FCF1: variants seen among roughly 807,000 people sequenced by gnomAD.
The protein encoded by FCF1 is FCF1 rRNA-processing protein.
A neutral mutation model predicts 32.5 loss-of-function variants in FCF1; 17 were observed. That is an observed-to-expected ratio of 0.52 (90% CI 0.36 to 0.78). The LOEUF (loss-of-function observed/expected upper bound fraction) is 0.78, where lower values mean the gene tolerates loss of function less well. FCF1 is among the 30% of genes least tolerant of loss of function. The pLI is 0.00. For synonymous variants in FCF1, 84 were observed against 78.4 expected, an observed-to-expected ratio of 1.07 and a Z score of -0.38; for missense variants, 201 against 241.1, an observed-to-expected ratio of 0.83 and a Z score of 1.10.
chr14:74,734,816 G>A, intron 7 of FCF1, 66 bp from the exon 8 acceptor site: 2 of 1,343,430 alleles, frequency 1.5e-6, no homozygotes, highest in Admixed American at 1.7e-5. Flanking sequence ...AGTCTATAAA[G>A]GATGGGTTTT....
intron 5 of FCF1, among the ~76,000 whole-genome samples, chr14:74,726,410 C>G (rs2090578520): frequency 6.6e-6 from 1 of 151,910 alleles, no homozygotes; most frequent in Admixed American, 6.6e-5. Flanking sequence ...TTGCTTGAGC[C>G]AGGGAGGTTC....
At chr14:74,716,199 T>C in intron 4 of FCF1, 100 bp downstream of exon 4, 1 of 1,143,922 alleles carries the variant, frequency 8.7e-7, no homozygotes, top group Non-Finnish European at 1.3e-6. Context: ...TTAACTGAAT[T>C]GCTGGCCATT....
At position 74,715,910 on chromosome 14, in the gene FCF1, A is replaced by G. The variant is rs202215056; in HGVS notation, c.144-41A>G. The G allele has an allele frequency of 4.1e-4, 666 of 1,611,208 alleles. 4 individuals carry two copies. Among genetic ancestry groups the G allele is most frequent in the Middle Eastern group, 1.7e-4 (1 of 6,058 alleles). Reference sequence around the variant, plus strand: ...TTGTTTTTGTTAATACTAGGGTATCAATGTAAATTTTTCTTTGTTCTTGTT... The same window carrying G: ...TTGTTTTTGTTAATACTAGGGTATCGATGTAAATTTTTCTTTGTTCTTGTT... On this transcript the variant is annotated intron_variant, in intron 3 of 7. Coordinates refer to ENST00000341162, the MANE Select transcript of FCF1 (RefSeq NM_015962.5).
intron 5 of FCF1, among the ~76,000 whole-genome samples, chr14:74,725,456 G>C (rs1376985460): frequency 2.2e-5 from 3 of 139,386 alleles, no homozygotes; most frequent in African/African-American, 8.3e-5. Context: ...CTCCAGCCTG[G>C]GCTACAAAGC....
intron 3 of FCF1, chr14:74,715,651 C>T (rs978746223): frequency 2.2e-6 from 1 of 448,014 alleles, no homozygotes. Flanking sequence ...TATTCTACCT[C>T]CCTGTGCCCA....
In FCF1 at chr14:74,734,124, A is replaced by C. The variant is rs1336488971; in HGVS notation, c.502A>C (p.Ile168Leu). ...AGTTGACCGGGACCTGAAAAGAAGA[A>C]TCCGTAAGATTCCTGGAGTTCCTAT... ...ATVDRDLKRR[I>L]RKIPGVPIMY... Residue 168 changes from isoleucine to leucine, a missense_variant, in exon 7 of 8, where the codon ATC becomes CTC. Physicochemically the swap from Ile to Leu is conservative, Grantham distance 5. This residue lies in a region of FCF1 where 121 missense variants were observed against 147.8 expected (regional missense o/e 0.82). Transcript: ENST00000341162. 1 of 1,613,794 alleles carries C rather than the reference A, an allele frequency of 6.2e-7. No homozygotes were observed. Among genetic ancestry groups the C allele is most frequent in the African/African-American group, 1.3e-5 (1 of 75,036 alleles).
At chr14:74,713,268 A>G in intron 1 of FCF1, 68 bp downstream of exon 1, 1 of 1,614,160 alleles carries the variant, frequency 6.2e-7, no homozygotes, top group East Asian at 2.2e-5. Context: ...AGGTAGTCAG[A>G]CCGTGGCCAA....
chr14:74,713,778 A>G (rs374234569), intron 2 of FCF1, among the ~76,000 whole-genome samples: 2 of 152,162 alleles, frequency 1.3e-5, no homozygotes, highest in African/African-American at 2.4e-5. Flanking sequence ...TTCTACCGTT[A>G]TATGCTTTGT....
intron 5 of FCF1, among the ~76,000 whole-genome samples, chr14:74,723,705 G>A (rs2090537062): frequency 1.3e-5 from 2 of 151,902 alleles, no homozygotes; most frequent in South Asian, 4.1e-4. Context: ...GCAGGTGCCT[G>A]TAATCCCAGC....
At chr14:74,713,356 T>G in intron 1 of FCF1, 129 bp from the exon 2 acceptor site, 2 of 1,563,490 alleles carry the variant, frequency 1.3e-6, no homozygotes, top group Non-Finnish European at 1.7e-6. Context: ...CTGTTATGCT[T>G]TACAGAGTGG....
chr14:74,714,970 C>T (rs1351340193), intron 3 of FCF1, 27 bp downstream of exon 3: 2 of 1,566,614 alleles, frequency 1.3e-6, no homozygotes, highest in African/African-American at 2.8e-5. Context: ...TTGAAGTTTT[C>T]CTTTAAAACC....
At chr14:74,727,874 C>G (rs2090593969) in intron 5 of FCF1, among the ~76,000 whole-genome samples, 2 of 151,970 alleles carry the variant, frequency 1.3e-5, no homozygotes, top group South Asian at 4.1e-4. Context: ...AATCCTTTCC[C>G]CATTGCTTTT....
chr14:74,732,713 T>C lies in FCF1; in HGVS notation c.366-18T>C, dbSNP rs753743814. ...AAGTTATCCAGCTGATTGAATGTTT[T>C]CTTTAATCCACCTACAGGATTGCCA... is the stretch of plus-strand genomic sequence containing the variant. On this transcript the variant is annotated intron_variant, in intron 5 of 7. Transcript: ENST00000341162. 27 of 1,552,950 alleles carry C rather than the reference T, an allele frequency of 1.7e-5. No individual in the cohort carries two copies. The highest frequency in any genetic ancestry group is 2.2e-5 in the Non-Finnish European group (25 of 1,127,726).
At chr14:74,730,206 CTTTTTTTT>C (rs869067896) in intron 5 of FCF1, among the ~76,000 whole-genome samples, 1 of 109,400 alleles carries the variant, frequency 9.1e-6, no homozygotes, top group African/African-American at 3.5e-5. Flanking sequence ...TGTGTATATG[CTTTTTTTT>C]TTTTTTTTTT....
intron 4 of FCF1, among the ~76,000 whole-genome samples, chr14:74,721,260 T>G (rs1427984097): frequency 6.6e-6 from 1 of 151,944 alleles, no homozygotes; most frequent in Non-Finnish European, 1.5e-5. Context: ...TTGACCAGAC[T>G]GGTCTTGAAC....
At chr14:74,721,800 T>C (rs2090507441) in intron 4 of FCF1, among the ~76,000 whole-genome samples, 1 of 152,234 alleles carries the variant, frequency 6.6e-6, no homozygotes, top group Non-Finnish European at 1.5e-5. Flanking sequence ...TTAAACCCAG[T>C]ATCTTATTAG....
rs142541926 is a variant in FCF1 at position 74,713,352 on chromosome 14, T to C, written c.4-133T>C. On this transcript the variant is annotated intron_variant, in intron 1 of 7. Coordinates refer to ENST00000341162, the MANE Select transcript of FCF1 (RefSeq NM_015962.5). ...AAACTTCTCCAAGCGGTGACTGTTA[T>C]GCTTTACAGAGTGGGGAAGAGGGTC... 21 of 1,568,038 alleles carry C rather than the reference T, an allele frequency of 1.3e-5. No individual in the cohort carries two copies. In the Admixed American group the frequency reaches 1.5e-4, roughly 11 times the overall value.
chr14:74,732,605 G>A, intron 5 of FCF1, 126 bp from the exon 6 acceptor site: 1 of 655,292 alleles, frequency 1.5e-6, no homozygotes, highest in Non-Finnish European at 2.7e-6. Context: ...TTTCCAGTTA[G>A]AGGATAAAGT....
intron 4 of FCF1, among the ~76,000 whole-genome samples, chr14:74,718,973 T>C (rs2140022591): frequency 6.6e-6 from 1 of 150,850 alleles, no homozygotes; most frequent in East Asian, 2.0e-4. Context: ...CTACTAAAAA[T>C]ACAAAAATTA....
Sources: allele counts gnomAD v4.1 joint callset (sites outside exome capture counted in the v4.1 genomes callset), GRCh38; gene constraint gnomAD v4.1.1; regional missense constraint gnomAD v4.1.1; transcripts MANE v1.5; gene names NCBI Gene and HGNC (gene_info 2026-07-23, HGNC 2026-07-21).